Variants in PPHLN1 observed in about 807,000 individuals in gnomAD.
PPHLN1 encodes the protein periphilin 1, also known as periphilin-1.
In PPHLN1, 29 loss-of-function variants were observed where a neutral mutation model predicts 51.3. The ratio of observed to expected loss-of-function variants is 0.57; its 90% CI spans 0.42 to 0.77. The LOEUF is 0.77. Ranked by LOEUF, PPHLN1 falls within the 30% of genes least tolerant of loss-of-function variation. PPHLN1 has a pLI of 0.00. For synonymous variants in PPHLN1, 147 were observed against 147.8 expected, an observed-to-expected ratio of 0.99 and a Z score of 0.04; for missense variants, 436 against 438.4, an observed-to-expected ratio of 0.99 and a Z score of 0.05.
intron 8 of PPHLN1, among the ~76,000 whole-genome samples, chr12:42,395,177 T>C (rs922329660): frequency 1.2e-4 from 18 of 152,044 alleles, no homozygotes; most frequent in Non-Finnish European, 2.2e-4. Flanking sequence ...ATCTTTTTTT[T>C]CCTCTAAAAT....
intron 9 of PPHLN1, among the ~76,000 whole-genome samples, chr12:42,411,945 G>A (rs950859225): frequency 2.9e-5 from 4 of 139,818 alleles, no homozygotes; most frequent in East Asian, 2.2e-4. Flanking sequence ...GGTATCTCAC[G>A]CCTGTAATCC....
intron 2 of PPHLN1, among the ~76,000 whole-genome samples, chr12:42,348,489 A>T (rs569308369): frequency 2.0e-5 from 3 of 152,270 alleles, no homozygotes; most frequent in African/African-American, 7.2e-5. Flanking sequence ...TAAATAAGTA[A>T]CTAAGTGTGA....
intron 2 of PPHLN1, chr12:42,351,494 A>G (rs1487366982): frequency 6.5e-6 from 1 of 153,296 alleles, no homozygotes; most frequent in Admixed American, 6.5e-5. Context: ...TATTTCTTCT[A>G]AATAGTATAG....
At chr12:42,360,376 C>T (rs997942526) in intron 4 of PPHLN1, among the ~76,000 whole-genome samples, 1 of 146,000 alleles carries the variant, frequency 6.8e-6, no homozygotes, top group Non-Finnish European at 1.5e-5. Flanking sequence ...GTTTGTCCAG[C>T]GTTTCTTCAT....
At chr12:42,370,561 C>T (rs1289347132) in intron 4 of PPHLN1, among the ~76,000 whole-genome samples, 1 of 152,092 alleles carries the variant, frequency 6.6e-6, no homozygotes, top group Non-Finnish European at 1.5e-5. Flanking sequence ...ACTTTTGGCT[C>T]CTTCTTTACC....
At chr12:42,340,505 A>G (rs914172599) in intron 2 of PPHLN1, among the ~76,000 whole-genome samples, 3 of 152,204 alleles carry the variant, frequency 2.0e-5, no homozygotes, top group Non-Finnish European at 2.9e-5. Flanking sequence ...ATGAGAATCA[A>G]TGGGCTACTG....
chr12:42,411,923 A>AAAAAAAAAAT (rs1424836657), intron 9 of PPHLN1, among the ~76,000 whole-genome samples: 1 of 116,606 alleles, frequency 8.6e-6, no homozygotes, highest in South Asian at 2.9e-4. Context: ...AAAAAAAAAA[A>AAAAAAAAAAT]GGGCTGGGCG....
At chr12:42,328,756 C>A (rs558865038) in intron 1 of PPHLN1, among the ~76,000 whole-genome samples, 54 of 152,332 alleles carry the variant, frequency 3.5e-4, no homozygotes, top group African/African-American at 1.3e-3. Flanking sequence ...GTTGCCCAGG[C>A]TGGAGTGCAG....
chr12:42,405,082 T>G (rs2079175550), intron 9 of PPHLN1, among the ~76,000 whole-genome samples: 1 of 152,242 alleles, frequency 6.6e-6, no homozygotes, highest in South Asian at 2.1e-4. Context: ...TTTGTGATTT[T>G]GCTTTCACAT....
At chr12:42,397,131 G>T (rs1217829646) in intron 8 of PPHLN1, among the ~76,000 whole-genome samples, 2 of 152,040 alleles carry the variant, frequency 1.3e-5, no homozygotes, top group African/African-American at 2.4e-5. Context: ...CACATATAGG[G>T]TGTTATTTTT....
At position 42,335,986 on chromosome 12, in the gene PPHLN1, C is replaced by G; in HGVS notation, c.72+12C>G. 1 of 1,515,342 alleles carries G rather than the reference C, an allele frequency of 6.6e-7. No homozygotes were observed. Among genetic ancestry groups the G allele is most frequent in the Non-Finnish European group, 8.9e-7 (1 of 1,119,800 alleles). The allele number at this position is 1,515,342 out of a possible 1,614,324, so 93.9% of individuals were successfully genotyped here. A position where few individuals can be genotyped will look rare whatever the true frequency, so the allele number is the denominator to read the frequency against. ...GAAGTCATCCCAGTGTAAGTTACTC[C>G]TACATATTGAATGATTCAAAAACCT... On this transcript the variant is annotated intron_variant, in intron 2 of 9. Transcript: ENST00000358314.
At chr12:42,360,110 C>CAAAAAAAAAAAAAAAAAAAAAAAAAAA (rs10643805) in intron 4 of PPHLN1, among the ~76,000 whole-genome samples, 99 of 123,016 alleles carry the variant, frequency 8.0e-4, no homozygotes, top group East Asian at 3.9e-3. Flanking sequence ...GACTCCATCT[C>CAAAAAAAAAAAAAAAAAAAAAAAAAAA]AAAAAAAAAA....
At chr12:42,358,450 G>T (rs1262767216) in intron 4 of PPHLN1, among the ~76,000 whole-genome samples, 1 of 152,166 alleles carries the variant, frequency 6.6e-6, no homozygotes, top group Non-Finnish European at 1.5e-5. Flanking sequence ...GAATGCAATG[G>T]TGTGATCATG....
chr12:42,355,178 A>G lies in PPHLN1; in HGVS notation c.255A>G (p.Arg85=), dbSNP rs2073888656. ...PPHRGDESGY[R]WTRDDHSASR... ...TGTTACAGGATGAATCTGGTTATAG[A>G]TGGACAAGAGACGATCATTCTGCAA... The change falls in exon 4 of 10, where the codon AGA becomes AGG. Residue 85 remains arginine (R), a synonymous_variant. Coordinates refer to ENST00000358314, the MANE Select transcript of PPHLN1 (RefSeq NM_201439.2). 1.2e-6 allele frequency: 2 copies of G among 1,613,602 alleles called. No homozygotes were observed. The highest frequency in any genetic ancestry group is 1.3e-5 in the African/African-American group (1 of 74,922).
rs547572211 is a variant in PPHLN1 at position 42,434,859 on chromosome 12, A to G, written c.910-6456A>G. 8.5e-4 allele frequency among the ~76,000 whole-genome samples: 130 copies of G among 152,126 alleles called. 2 individuals are homozygous for G. Among genetic ancestry groups the G allele is most frequent in the Admixed American group, 6.5e-5 (1 of 15,280 alleles). On this transcript the variant is annotated intron_variant, in intron 9 of 9. Coordinates refer to ENST00000358314, the MANE Select transcript of PPHLN1 (RefSeq NM_201439.2). ...CAGGTGCATGCCACCATGGCTGGCT[A>G]ATTTTTGTATTTTTAGTAGAGACAG...
chr12:42,336,977 G>A (rs921352530), intron 2 of PPHLN1, among the ~76,000 whole-genome samples: 2 of 152,106 alleles, frequency 1.3e-5, no homozygotes, highest in Non-Finnish European at 2.9e-5. Flanking sequence ...ATCCAGGTTG[G>A]GGTTGATTTA....
At chr12:42,402,533 T>C (rs974717526) in intron 9 of PPHLN1, among the ~76,000 whole-genome samples, 6 of 152,200 alleles carry the variant, frequency 3.9e-5, no homozygotes, top group Admixed American at 6.5e-5. Flanking sequence ...CGCTTTTCCC[T>C]CCAAATAAAA....
intron 4 of PPHLN1, among the ~76,000 whole-genome samples, chr12:42,373,054 G>T (rs1162420528): frequency 6.6e-6 from 1 of 152,076 alleles, no homozygotes; most frequent in Non-Finnish European, 1.5e-5. Flanking sequence ...ACTAAGTTAG[G>T]TTCCTCGTTA....
chr12:42,351,382 A>G (rs543971715), intron 2 of PPHLN1: 15 of 152,332 alleles, frequency 9.8e-5, no homozygotes, highest in African/African-American at 3.1e-4. Flanking sequence ...CTGTAAAGCC[A>G]ATCTCCTCCC....
Sources: allele counts gnomAD v4.1 joint callset (sites outside exome capture counted in the v4.1 genomes callset), GRCh38; gene constraint gnomAD v4.1.1; transcripts MANE v1.5; gene names NCBI Gene and HGNC (gene_info 2026-07-23, HGNC 2026-07-21).